The following UBA1 variants were observed in gnomAD, a reference collection of about 807,000 sequenced individuals.
UBA1 encodes ubiquitin-like modifier-activating enzyme 1.
Under a neutral mutation model 84.7 loss-of-function variants are expected in UBA1, and 4 were observed. The observed-to-expected ratio is 0.05, with a 90% CI of 0.02 to 0.11. UBA1 has a LOEUF of 0.11. Ranked by LOEUF, UBA1 falls within the 10% of genes least tolerant of loss-of-function variation. The pLI, the probability that UBA1 is intolerant of heterozygous loss-of-function variation, is 1.00. For missense variants in UBA1, 513 were observed against 902.8 expected (o/e 0.57, Z 5.53); for synonymous variants, 364 against 362.6 (o/e 1.00, Z -0.04).
chrX:47,198,704 C>T, intron 1 of UBA1, 99 bp from the exon 2 acceptor site: 2 of 823,670 alleles, frequency 2.4e-6, no homozygotes, highest in Non-Finnish European at 3.6e-6. Context: ...AATGGGGGTA[C>T]TAATACTTAA....
chrX:47,194,829 C>T (rs1213959454), intron 1 of UBA1, among the ~76,000 whole-genome samples: 4 of 112,381 alleles, frequency 3.6e-5, no homozygotes, highest in Admixed American at 1.9e-4. Context: ...TTTATACTTC[C>T]AGTATTCAGA....
intron 20 of UBA1, 67 bp downstream of exon 20, chrX:47,211,292 C>T (rs1936904386): frequency 9.0e-7 from 1 of 1,113,041 alleles, no homozygotes; most frequent in Admixed American, 2.2e-5. Context: ...AGCCTCCCCA[C>T]CAGTCCTCTA....
At chrX:47,208,439 C>A (rs1936779746) in intron 16 of UBA1, 1 of 112,454 alleles carries the variant, frequency 8.9e-6, no homozygotes, top group Non-Finnish European at 1.9e-5. Flanking sequence ...GCTGGGATTA[C>A]ATGTGTAAGC....
chrX:47,197,778 C>A, intron 1 of UBA1: 1 of 447,640 alleles, frequency 2.2e-6, no homozygotes, highest in Non-Finnish European at 2.8e-6. Context: ...TCAGAGTCAG[C>A]AGATCCTGGT....
rs1392976852 is a variant in UBA1 at position 47,214,329 on chromosome X, C to T, written c.2841C>T (p.Tyr947=). ...SEPLAAPRHQ[Y]YNQEWTLWDR... ...ACACTCCCCTCTTTGTCTTGCAGTA[C>T]TATAACCAAGAGTGGACATTGTGGG... Residue 947 remains tyrosine, a splice_region_variant and synonymous_variant, in exon 24 of 26, where the codon TAC becomes TAT. Coordinates refer to ENST00000335972, the MANE Select transcript of UBA1 (RefSeq NM_003334.4). 7 of 1,207,623 alleles carry T rather than the reference C, an allele frequency of 5.8e-6. No homozygotes were observed. The highest frequency in any genetic ancestry group is 7.8e-6 in the Non-Finnish European group (7 of 893,452).
At chrX:47,213,280 C>T in intron 23 of UBA1, 99 bp downstream of exon 23, 1 of 895,803 alleles carries the variant, frequency 1.1e-6, no homozygotes, top group Non-Finnish European at 1.5e-6. Context: ...GGGTTTCTGT[C>T]TGTGTACCTA....
At chrX:47,213,573 G>C (rs1212070729) in intron 23 of UBA1, among the ~76,000 whole-genome samples, 1 of 112,417 alleles carries the variant, frequency 8.9e-6, no homozygotes, top group Non-Finnish European at 1.9e-5. Context: ...AATCAAAAAA[G>C]GATAAAAAGA....
intron 1 of UBA1, among the ~76,000 whole-genome samples, chrX:47,194,389 C>T (rs781878860): frequency 8.9e-5 from 10 of 112,468 alleles, no homozygotes; most frequent in African/African-American, 3.2e-4. Context: ...CAGAGCTCCT[C>T]ACCATTGAAT....
At chrX:47,192,954 G>T (rs1192789518), upstream of UBA1, among the ~76,000 whole-genome samples, 5 of 111,976 alleles carry the variant, frequency 4.5e-5, no homozygotes, top group Middle Eastern at 9.2e-3. Context: ...CATGTAGTGA[G>T]TTTGGGTTTG....
At chrX:47,200,339 T>C (rs1304026097) in intron 5 of UBA1, among the ~76,000 whole-genome samples, 2 of 111,941 alleles carry the variant, frequency 1.8e-5, no homozygotes, top group Non-Finnish European at 3.8e-5. Flanking sequence ...TGGATGGGTG[T>C]TTGTTAATTA....
intron 14 of UBA1, chrX:47,205,506 T>G (rs1204673078): frequency 2.9e-6 from 1 of 345,377 alleles, no homozygotes; most frequent in Non-Finnish European, 5.8e-6. Flanking sequence ...CCTGCTAGCC[T>G]CCTAACTCAG....
At chrX:47,195,825 C>T (rs782747891) in intron 1 of UBA1, among the ~76,000 whole-genome samples, 3 of 111,150 alleles carry the variant, frequency 2.7e-5, no homozygotes, top group Non-Finnish European at 3.8e-5. Context: ...CCTCACCATC[C>T]ACCCTCACAG....
In UBA1 at chrX:47,206,154, T is replaced by A. The variant is rs782655264; in HGVS notation, c.1741+41T>A. 3 of 1,183,320 alleles carry A rather than the reference T, an allele frequency of 2.5e-6. No individual in the cohort carries two copies. In the African/African-American group the frequency reaches 5.3e-5, roughly 21 times the overall value. ...GGTGAGGTGGTCACGGGCAAAGTTG[T>A]GTGTGTTTCGGTGTGTATATACCAA... is the stretch of plus-strand genomic sequence containing the variant. On this transcript the variant is annotated intron_variant, in intron 15 of 25. Coordinates refer to ENST00000335972, the MANE Select transcript of UBA1 (RefSeq NM_003334.4).
At chrX:47,204,127 C>T (rs1332140598) in intron 14 of UBA1, among the ~76,000 whole-genome samples, 1 of 97,020 alleles carries the variant, frequency 1.0e-5, no homozygotes, top group Non-Finnish European at 2.0e-5. Flanking sequence ...GCCTTTCTTT[C>T]CCTCAGCTTC....
At chrX:47,196,717 T>C (rs2147244565) in intron 1 of UBA1, among the ~76,000 whole-genome samples, 1 of 112,069 alleles carries the variant, frequency 8.9e-6, no homozygotes, top group Non-Finnish European at 1.9e-5. Flanking sequence ...AGACTCTTGC[T>C]GCCTGCACTG....
intron 20 of UBA1, among the ~76,000 whole-genome samples, chrX:47,212,120 C>T (rs936463231): frequency 1.9e-5 from 2 of 107,845 alleles, no homozygotes; most frequent in African/African-American, 6.8e-5. Flanking sequence ...ATCATTCTTC[C>T]CAAGATCTTT....
intron 1 of UBA1, chrX:47,198,059 A>G (rs781823247): frequency 5.6e-6 from 5 of 896,751 alleles, no homozygotes; most frequent in East Asian, 8.0e-5. Flanking sequence ...TTTGTTTTCT[A>G]TCTTTTTGCA....
intron 20 of UBA1, among the ~76,000 whole-genome samples, chrX:47,211,670 C>T (rs184196307): frequency 9.2e-6 from 1 of 108,510 alleles, no homozygotes; most frequent in East Asian, 2.9e-4. Context: ...TTTACTGACA[C>T]CCCCACCCCA....
At chrX:47,207,629 A>G (rs902941145) in intron 16 of UBA1, among the ~76,000 whole-genome samples, 7 of 111,050 alleles carry the variant, frequency 6.3e-5, no homozygotes, top group Non-Finnish European at 9.4e-5. Context: ...TTGAGGCCAA[A>G]CCATTTAGAA....
Sources: gnomAD v4.1 joint callset for allele counts (sites outside exome capture counted in the v4.1 genomes callset) on GRCh38, gnomAD v4.1.1 for gene constraint, MANE v1.5 for transcripts, NCBI Gene and HGNC (gene_info 2026-07-23, HGNC 2026-07-21) for gene names.